The following RTN1 variants were observed in gnomAD, a reference collection of about 807,000 sequenced individuals.
RTN1 encodes reticulon 1, also known as reticulon-1.
Under a neutral mutation model 65.5 loss-of-function variants are expected in RTN1, and 25 were observed. The observed-to-expected ratio is 0.38, with a 90% CI of 0.28 to 0.53. RTN1 has a LOEUF of 0.53. RTN1 is among the 20% of genes least tolerant of loss of function. The pLI, the probability that RTN1 is intolerant of heterozygous loss-of-function variation, is 0.79. For missense variants in RTN1, 983 were observed against 1,025.4 expected (o/e 0.96, Z 0.57); for synonymous variants, 471 against 447.6 (o/e 1.05, Z -0.66).
Position 59,746,083 on chromosome 14 carries a change from CG to C in RTN1, c.639del (p.Glu214SerfsTer51). 6.2e-7 allele frequency: 1 copy of C among 1,613,986 alleles called. No individual in the cohort carries two copies. Among genetic ancestry groups the C allele is most frequent in the East Asian group, 2.2e-5 (1 of 44,892 alleles). On this transcript the variant is annotated frameshift_variant, in exon 2 of 9. Coordinates refer to ENST00000267484, the MANE Select transcript of RTN1 (RefSeq NM_021136.3). LOFTEE classifies it high-confidence loss of function. The stretch of plus-strand genomic sequence containing the variant: ...AAGTCCAAGTCTTTATCTTCCAGCT[CG>C]GGGTGATGTTGTTCTTGGTGCTTCA... The part of the protein sequence containing the change: ...EEVKHQEQHH[P>X]ELEDKDLDFK...
At chr14:59,867,897 C>A (rs892794598) in intron 1 of RTN1, among the ~76,000 whole-genome samples, 6 of 152,142 alleles carry the variant, frequency 3.9e-5, no homozygotes, top group African/African-American at 1.4e-4. Flanking sequence ...TGTGTGTGGA[C>A]CAGGAAGCAG....
intron 2 of RTN1, among the ~76,000 whole-genome samples, chr14:59,744,366 G>A (rs926562308): frequency 1.4e-4 from 22 of 152,164 alleles, no homozygotes; most frequent in Admixed American, 9.8e-4. Flanking sequence ...ATTTGAGAGA[G>A]GTGGAGATGC....
At chr14:59,666,208 A>G (rs1367406335) in intron 3 of RTN1, among the ~76,000 whole-genome samples, 1 of 152,180 alleles carries the variant, frequency 6.6e-6, no homozygotes, top group Non-Finnish European at 1.5e-5. Context: ...ACTCCTCAGC[A>G]AATGTAAAAG....
intron 3 of RTN1, among the ~76,000 whole-genome samples, chr14:59,712,571 A>C (rs1884445892): frequency 6.6e-6 from 1 of 152,220 alleles, no homozygotes; most frequent in East Asian, 1.9e-4. Flanking sequence ...GAAAACTTGC[A>C]AACTTACTAA....
chr14:59,728,049 C>T (rs370052416), intron 2 of RTN1, among the ~76,000 whole-genome samples: 2 of 152,128 alleles, frequency 1.3e-5, no homozygotes, highest in African/African-American at 2.4e-5. Context: ...GGAACTTTTT[C>T]AATTTCACAG....
At chr14:59,865,990 C>CTG (rs1887791259) in intron 1 of RTN1, among the ~76,000 whole-genome samples, 1 of 152,144 alleles carries the variant, frequency 6.6e-6, no homozygotes, top group Admixed American at 6.5e-5. Context: ...TCTGAGCAAG[C>CTG]TGTGCTCATA....
intron 1 of RTN1, among the ~76,000 whole-genome samples, chr14:59,853,049 G>A (rs1887537454): frequency 6.6e-6 from 1 of 152,180 alleles, no homozygotes; most frequent in South Asian, 2.1e-4. Flanking sequence ...TGTGTAAACA[G>A]TGATCTCTAT....
intron 3 of RTN1, among the ~76,000 whole-genome samples, chr14:59,666,608 G>C (rs1359660670): frequency 6.6e-6 from 1 of 151,964 alleles, no homozygotes; most frequent in South Asian, 2.1e-4. Context: ...AGCTGAAAGA[G>C]ATAGAGACAC....
chr14:59,841,657 A>C (rs1211150733), intron 1 of RTN1, among the ~76,000 whole-genome samples: 1 of 151,716 alleles, frequency 6.6e-6, no homozygotes, highest in Non-Finnish European at 1.5e-5. Flanking sequence ...CAGTGAGCCA[A>C]GATTGTGCCA....
chr14:59,751,095 C>T (rs1594724147), intron 1 of RTN1, among the ~76,000 whole-genome samples: 1 of 151,150 alleles, frequency 6.6e-6, no homozygotes, highest in East Asian at 1.9e-4. Context: ...AAGATTCCCC[C>T]AAATTGCTAA....
chr14:59,621,457 T>C (rs1882252580), intron 3 of RTN1, among the ~76,000 whole-genome samples: 1 of 152,200 alleles, frequency 6.6e-6, no homozygotes. Flanking sequence ...GTGTGTCCTA[T>C]CAATTTGATA....
chr14:59,611,653 A>G (rs1594630462), intron 3 of RTN1, among the ~76,000 whole-genome samples: 1 of 152,170 alleles, frequency 6.6e-6, no homozygotes, highest in East Asian at 1.9e-4. Context: ...CTGTTTTGCA[A>G]TTTGGGGGGT....
chr14:59,858,219 G>GCCAAT (rs1566750267), intron 1 of RTN1, among the ~76,000 whole-genome samples: 2 of 152,158 alleles, frequency 1.3e-5, no homozygotes, highest in African/African-American at 4.8e-5. Context: ...GAGCAGGAAA[G>GCCAAT]CCAATAAATC....
chr14:59,631,962 C>A (rs1882565463), intron 3 of RTN1, among the ~76,000 whole-genome samples: 1 of 152,204 alleles, frequency 6.6e-6, no homozygotes, highest in Non-Finnish European at 1.5e-5. Context: ...AGATCAAAAT[C>A]TACATTTGCA....
At chr14:59,701,830 G>A (rs538771086) in intron 3 of RTN1, among the ~76,000 whole-genome samples, 10 of 152,218 alleles carry the variant, frequency 6.6e-5, no homozygotes, top group South Asian at 2.1e-4. Flanking sequence ...TATGGTATGT[G>A]ACTATATCTC....
In RTN1 at chr14:59,835,550, G is replaced by A. The variant is rs1887199074; in HGVS notation, c.241+34840C>T. Among the ~76,000 whole-genome samples, 5 of 152,134 alleles carry A rather than the reference G, an allele frequency of 3.3e-5. No homozygotes were observed. In the South Asian group the frequency reaches 1.0e-3, roughly 32 times the overall value. On this transcript the variant is annotated intron_variant, in intron 1 of 8. Coordinates refer to ENST00000267484, the MANE Select transcript of RTN1 (RefSeq NM_021136.3). ...TTGTTCAGCAACTTCTCTGTTCCAG[G>A]CACTGTTGTAGGCACTAGCATTCAA...
At chr14:59,823,524 A>T (rs1424818326) in intron 1 of RTN1, among the ~76,000 whole-genome samples, 2 of 151,964 alleles carry the variant, frequency 1.3e-5, no homozygotes, top group African/African-American at 4.8e-5. Flanking sequence ...TTTCTATTTC[A>T]CTTATGAAGC....
intron 2 of RTN1, among the ~76,000 whole-genome samples, chr14:59,741,226 C>T (rs889309638): frequency 2.6e-5 from 4 of 152,180 alleles, no homozygotes; most frequent in Non-Finnish European, 5.9e-5. Flanking sequence ...ATTCCCAGCT[C>T]AGGGCCTTTG....
chr14:59,662,805 T>C (rs1368716172), intron 3 of RTN1, among the ~76,000 whole-genome samples: 1 of 152,168 alleles, frequency 6.6e-6, no homozygotes, highest in Non-Finnish European at 1.5e-5. Flanking sequence ...TGCTCATGGA[T>C]AGGAAGAATC....
Sources: gnomAD v4.1 joint callset for allele counts (sites outside exome capture counted in the v4.1 genomes callset) on GRCh38, gnomAD v4.1.1 for gene constraint, MANE v1.5 for transcripts, NCBI Gene and HGNC (gene_info 2026-07-23, HGNC 2026-07-21) for gene names.